The following EYA1 variants were observed in gnomAD, a reference collection of about 807,000 sequenced individuals.
The protein encoded by EYA1 is protein phosphatase EYA1.
A neutral mutation model predicts 82.0 loss-of-function variants in EYA1; 16 were observed. The ratio of observed to expected loss-of-function variants is 0.20; its 90% CI spans 0.13 to 0.30. The LOEUF (loss-of-function observed/expected upper bound fraction) is 0.30, where lower values mean the gene tolerates loss of function less well. EYA1 is among the 10% of genes least tolerant of loss of function. The pLI, the probability that EYA1 is intolerant of heterozygous loss-of-function variation, is 1.00. For synonymous variants in EYA1, 261 were observed against 264.4 expected, an observed-to-expected ratio of 0.99 and a Z score of 0.12; for missense variants, 633 against 730.7, an observed-to-expected ratio of 0.87 and a Z score of 1.54.
intron 3 of EYA1, among the ~76,000 whole-genome samples, chr8:71,338,953 T>C (rs1428051629): frequency 4.6e-5 from 7 of 152,186 alleles, no homozygotes; most frequent in Admixed American, 6.5e-5. Flanking sequence ...TACTATATTA[T>C]GCAGGGACTT....
intron 7 of EYA1, among the ~76,000 whole-genome samples, chr8:71,300,372 C>G (rs534629012): frequency 6.6e-6 from 1 of 152,248 alleles, no homozygotes; most frequent in South Asian, 2.1e-4. Context: ...CTGAGCAAAG[C>G]TGGGTTCCCT....
At chr8:71,439,189 TG>T (rs1260196933) in intron 2 of EYA1, among the ~76,000 whole-genome samples, 2 of 152,180 alleles carry the variant, frequency 1.3e-5, no homozygotes, top group Non-Finnish European at 2.9e-5. Flanking sequence ...CAAGATGAAG[TG>T]GCACCAAAGC....
intron 2 of EYA1, among the ~76,000 whole-genome samples, chr8:71,401,881 T>G (rs1419637790): frequency 6.6e-6 from 1 of 152,192 alleles, no homozygotes; most frequent in Non-Finnish European, 1.5e-5. Context: ...CTTATGATTT[T>G]TTCCCTCAGC....
chr8:71,397,683 TG>T (rs1586630103), intron 2 of EYA1, among the ~76,000 whole-genome samples: 1 of 152,382 alleles, frequency 6.6e-6, no homozygotes, highest in East Asian at 1.9e-4. Context: ...GGCTTCCCTT[TG>T]TGAGTAACCC....
In EYA1 at chr8:71,418,636, G is replaced by A. The variant is rs566220667; in HGVS notation, c.34-62125C>T. ...AATATACACATTATCTCAGAAAGTT[G>A]AGTAAGTTATTTATTTTCATTTATT... On this transcript the variant is annotated intron_variant, in intron 2 of 18. Coordinates refer to the EYA1 transcript ENST00000643681. 1.5e-4 allele frequency among the ~76,000 whole-genome samples: 23 copies of A among 152,286 alleles called. No individual in the cohort carries two copies. The South Asian group carries it at 4.6e-3, about 30-fold the overall frequency.
At chr8:71,217,717 T>C (rs1809394282) in intron 12 of EYA1, among the ~76,000 whole-genome samples, 1 of 152,220 alleles carries the variant, frequency 6.6e-6, no homozygotes, top group Admixed American at 6.5e-5. Context: ...TTTTTAGCTG[T>C]TTTACTATTA....
upstream of EYA1, among the ~76,000 whole-genome samples, chr8:71,363,870 T>C (rs1204066727): frequency 2.6e-5 from 4 of 152,010 alleles, no homozygotes; most frequent in Middle Eastern, 3.3e-3. Flanking sequence ...TTAACAATTA[T>C]TTTAGACATA....
At chr8:71,394,987 C>T (rs928644036) in intron 2 of EYA1, among the ~76,000 whole-genome samples, 1 of 152,134 alleles carries the variant, frequency 6.6e-6, no homozygotes, top group Non-Finnish European at 1.5e-5. Flanking sequence ...GTTTGTAGTT[C>T]TCCTTGAAGA....
At chr8:71,254,227 T>A (rs1814106477) in intron 11 of EYA1, among the ~76,000 whole-genome samples, 1 of 98,584 alleles carries the variant, frequency 1.0e-5, no homozygotes, top group Non-Finnish European at 1.9e-5. Context: ...ATATACCCCA[T>A]CTATAAAGTC....
chr8:71,420,687 A>G (rs192098315), intron 2 of EYA1, among the ~76,000 whole-genome samples: 2 of 152,254 alleles, frequency 1.3e-5, no homozygotes, highest in African/African-American at 4.8e-5. Flanking sequence ...TTGAGTGAGC[A>G]GAGTTTTGTG....
chr8:71,222,839 C>T (rs1810101088), intron 12 of EYA1, among the ~76,000 whole-genome samples: 1 of 152,198 alleles, frequency 6.6e-6, no homozygotes, highest in Admixed American at 6.5e-5. Flanking sequence ...ACAACTGCTC[C>T]CTCTAGACAC....
intron 17 of EYA1, among the ~76,000 whole-genome samples, chr8:71,209,862 G>A (rs558051487): frequency 6.6e-6 from 1 of 152,262 alleles, no homozygotes; most frequent in East Asian, 1.9e-4. Flanking sequence ...GATTTAGGGA[G>A]TTATAAAAAA....
At chr8:71,516,806 C>T (rs1192584079) in intron 2 of EYA1, among the ~76,000 whole-genome samples, 2 of 152,062 alleles carry the variant, frequency 1.3e-5, no homozygotes, top group Non-Finnish European at 2.9e-5. Context: ...CTAGCTATGG[C>T]CAACCCTTCC....
chr8:71,500,243 A>G (rs6472589), intron 2 of EYA1, among the ~76,000 whole-genome samples: 109,818 of 152,150 alleles, frequency 0.72, 41,340 homozygotes, highest in East Asian at 0.99. Flanking sequence ...AAAAAGATCA[A>G]ACATATTCCT....
At chr8:71,316,568 A>G (rs1206454706) in intron 7 of EYA1, among the ~76,000 whole-genome samples, 1 of 152,190 alleles carries the variant, frequency 6.6e-6, no homozygotes, top group Non-Finnish European at 1.5e-5. Flanking sequence ...TATCATAATG[A>G]TAATAATAAA....
chr8:71,545,982 C>A (rs1006529779), intron 1 of EYA1, among the ~76,000 whole-genome samples: 2 of 152,152 alleles, frequency 1.3e-5, no homozygotes, highest in East Asian at 3.8e-4. Flanking sequence ...AATTTAGTTT[C>A]ATTTTGTCTG....
intron 4 of EYA1, among the ~76,000 whole-genome samples, chr8:71,328,985 T>C (rs7831023): frequency 0.1 from 15,662 of 152,130 alleles, 1,446 homozygotes; most frequent in East Asian, 0.42. Context: ...ATGAAGACCA[T>C]CAGGACTGCA....
chr8:71,456,740 G>A (rs1416069983), intron 2 of EYA1, among the ~76,000 whole-genome samples: 3 of 152,126 alleles, frequency 2.0e-5, no homozygotes, highest in Non-Finnish European at 2.9e-5. Context: ...CCTTCCTTAT[G>A]TCTTATACAA....
At chr8:71,375,477 C>A (rs1351501593) in intron 2 of EYA1, among the ~76,000 whole-genome samples, 2 of 151,972 alleles carry the variant, frequency 1.3e-5, no homozygotes, top group Non-Finnish European at 2.9e-5. Context: ...CTCAAGGAAA[C>A]AATTCCATGG....
Sources: gnomAD v4.1 joint callset for allele counts (sites outside exome capture counted in the v4.1 genomes callset) on GRCh38, gnomAD v4.1.1 for gene constraint, MANE v1.5 for transcripts, NCBI Gene and HGNC (gene_info 2026-07-23, HGNC 2026-07-21) for gene names.